WWOX: variants seen among roughly 807,000 people sequenced by gnomAD.
WWOX encodes the protein WW domain containing oxidoreductase, also known as WW domain-containing oxidoreductase.
In WWOX, 69 loss-of-function variants were observed where a neutral mutation model predicts 46.2. The ratio of observed to expected loss-of-function variants is 1.49; its 90% CI spans 1.23 to 1.82. WWOX has a LOEUF of 1.82. Ranked by LOEUF, WWOX falls within the 40% of genes most tolerant of loss-of-function variation. WWOX has a pLI of 0.00. For missense variants in WWOX, 919 were observed against 542.6 expected (o/e 1.69, Z -6.89); for synonymous variants, 359 against 202.6 (o/e 1.77, Z -6.56).
intron 8 of WWOX, among the ~76,000 whole-genome samples, chr16:79,107,776 A>G (rs1430753452): frequency 2.0e-5 from 3 of 152,240 alleles, no homozygotes; most frequent in African/African-American, 7.2e-5. Flanking sequence ...GTGCTACATG[A>G]AAGTTTATGT....
intron 6 of WWOX, among the ~76,000 whole-genome samples, chr16:78,418,353 G>T (rs1421626857): frequency 1.3e-5 from 2 of 150,552 alleles, no homozygotes; most frequent in Non-Finnish European, 3.0e-5. Context: ...AGGAGACAGA[G>T]TAAGACTCCA....
chr16:78,179,367 A>G (rs1338756684), intron 5 of WWOX, among the ~76,000 whole-genome samples: 1 of 152,194 alleles, frequency 6.6e-6, no homozygotes, highest in Non-Finnish European at 1.5e-5. Context: ...TGAAAAGGTA[A>G]CATTCTCAGA....
intron 8 of WWOX, among the ~76,000 whole-genome samples, chr16:78,956,913 A>G (rs2046178876): frequency 6.6e-6 from 1 of 152,170 alleles, no homozygotes; most frequent in African/African-American, 2.4e-5. Context: ...GATGTTTTGT[A>G]AAGAAAGTTT....
chr16:78,557,190 C>T (rs1235402116), intron 8 of WWOX, among the ~76,000 whole-genome samples: 4 of 151,774 alleles, frequency 2.6e-5, no homozygotes, highest in Admixed American at 1.3e-4. Context: ...TTCTGAATAC[C>T]CAAGCTTGCT....
At chr16:78,747,529 G>T (rs2097773126) in intron 8 of WWOX, among the ~76,000 whole-genome samples, 1 of 152,144 alleles carries the variant, frequency 6.6e-6, no homozygotes, top group African/African-American at 2.4e-5. Flanking sequence ...ATTACAATGA[G>T]CCTTCGTAAT....
Position 79,147,726 on chromosome 16 carries a change from A to G in WWOX, c.1057-63882A>G, listed in dbSNP as rs140662000. On this transcript the variant is annotated intron_variant, in intron 8 of 8. Coordinates refer to ENST00000566780, the MANE Select transcript of WWOX (RefSeq NM_016373.4). ...CAGCATTTGGTGATCTAGTTTCACT[A>G]TATCTTCACCAGCATTTGGTGGTGT... is the stretch of plus-strand genomic sequence containing the variant. Among the ~76,000 whole-genome samples, 32 of 152,286 alleles carry G rather than the reference A, an allele frequency of 2.1e-4. No homozygotes were observed. The East Asian group carries it at 3.1e-3, about 15-fold the overall frequency.
intron 8 of WWOX, among the ~76,000 whole-genome samples, chr16:78,833,382 C>G (rs1340073621): frequency 1.3e-5 from 2 of 152,044 alleles, no homozygotes; most frequent in Non-Finnish European, 2.9e-5. Flanking sequence ...GCTTGTTTCT[C>G]TAATGTGGCT....
chr16:78,381,152 A>G (rs2081948406), intron 5 of WWOX, among the ~76,000 whole-genome samples: 1 of 152,186 alleles, frequency 6.6e-6, no homozygotes, highest in African/African-American at 2.4e-5. Context: ...TTCTCTGTTT[A>G]AATACCACAC....
chr16:79,022,344 C>CAG (rs2047550839), intron 8 of WWOX, among the ~76,000 whole-genome samples: 1 of 71,218 alleles, frequency 1.4e-5, no homozygotes, highest in Non-Finnish European at 2.8e-5. Context: ...CAATCTGTGG[C>CAG]AAAAAAAAAA....
chr16:78,935,693 C>T (rs1363769729), intron 8 of WWOX, among the ~76,000 whole-genome samples: 1 of 151,752 alleles, frequency 6.6e-6, no homozygotes, highest in Non-Finnish European at 1.5e-5. Flanking sequence ...CGACATGGCA[C>T]ATGTATACTT....
At position 78,187,288 on chromosome 16, in the gene WWOX, A is replaced by G. The variant is rs9925505; in HGVS notation, c.516+22999A>G. Among the ~76,000 whole-genome samples the G allele has an allele frequency of 6.4e-3, 981 of 152,284 alleles. 7 individuals carry two copies. Among genetic ancestry groups the G allele is most frequent in the African/African-American group, 0.022 (933 of 41,566 alleles). On this transcript the variant is annotated intron_variant, in intron 5 of 8. Coordinates refer to ENST00000566780, the MANE Select transcript of WWOX (RefSeq NM_016373.4). The stretch of plus-strand genomic sequence containing the variant: ...ACTTTGCAAGAGGTGCCAGGTGGGC[A>G]CAAAGAAAAGAGGACTGCACTCAAG...
At chr16:78,295,193 A>G (rs989001205) in intron 5 of WWOX, among the ~76,000 whole-genome samples, 4 of 152,188 alleles carry the variant, frequency 2.6e-5, no homozygotes, top group African/African-American at 9.7e-5. Flanking sequence ...TGTATCATCT[A>G]CAACCCTGCA....
At chr16:78,104,231 A>ACAC (rs2031989143) in intron 1 of WWOX, among the ~76,000 whole-genome samples, 2 of 130,224 alleles carry the variant, frequency 1.5e-5, no homozygotes, top group African/African-American at 5.9e-5. Context: ...CTGTGCTCAA[A>ACAC]ACACACACAC....
At chr16:78,749,835 C>G (rs1306103508) in intron 8 of WWOX, among the ~76,000 whole-genome samples, 1 of 152,190 alleles carries the variant, frequency 6.6e-6, no homozygotes, top group African/African-American at 2.4e-5. Flanking sequence ...CTCTTAACAC[C>G]TCAAGCTGAC....
chr16:79,153,033 A>G (rs1470043385), intron 8 of WWOX, among the ~76,000 whole-genome samples: 2 of 152,188 alleles, frequency 1.3e-5, no homozygotes, highest in Non-Finnish European at 2.9e-5. Context: ...GAGCCGGGCA[A>G]GGAGACCTGC....
chr16:78,711,105 T>C (rs1567507980), intron 8 of WWOX, among the ~76,000 whole-genome samples: 3 of 152,188 alleles, frequency 2.0e-5, no homozygotes, highest in Admixed American at 6.5e-5. Flanking sequence ...TCCAACACGT[T>C]TCTTTAAAGC....
chr16:79,093,551 C>T (rs2049007341), intron 8 of WWOX, among the ~76,000 whole-genome samples: 1 of 152,058 alleles, frequency 6.6e-6, no homozygotes, highest in Admixed American at 6.5e-5. Context: ...GGCTCAGCCA[C>T]CACCCGCAGC....
chr16:79,003,526 C>G (rs2047134691), intron 8 of WWOX, among the ~76,000 whole-genome samples: 1 of 152,156 alleles, frequency 6.6e-6, no homozygotes, highest in East Asian at 1.9e-4. Flanking sequence ...TAGGGTTTGG[C>G]TGGTTGAGTC....
At chr16:78,897,087 A>T (rs1024661207) in intron 8 of WWOX, 1 of 150,940 alleles carries the variant, frequency 6.6e-6, no homozygotes, top group Non-Finnish European at 1.5e-5. Flanking sequence ...AAAAAGAAAA[A>T]AAAAAAGAAA....
Sources: gnomAD v4.1 joint callset for allele counts (sites outside exome capture counted in the v4.1 genomes callset) on GRCh38, gnomAD v4.1.1 for gene constraint, MANE v1.5 for transcripts, NCBI Gene and HGNC (gene_info 2026-07-23, HGNC 2026-07-21) for gene names.